The following KIF26B variants were observed in gnomAD, a reference collection of about 807,000 sequenced individuals.
KIF26B encodes kinesin family member 26B.
In KIF26B, 63 loss-of-function variants were observed where a neutral mutation model predicts 151.2. The ratio of observed to expected loss-of-function variants is 0.42; its 90% CI spans 0.34 to 0.51. The LOEUF (loss-of-function observed/expected upper bound fraction) is 0.51, where lower values mean the gene tolerates loss of function less well. Among genes scored for constraint, KIF26B ranks in the 20% least tolerant of loss-of-function variants. The pLI is 0.07. For missense variants in KIF26B, 2,813 were observed against 2,913.6 expected (o/e 0.97, Z 0.79); for synonymous variants, 1,357 against 1,262.1 (o/e 1.08, Z -1.59).
intron 2 of KIF26B, chr1:245,206,524 C>T (rs1478407925): frequency 6.6e-6 from 1 of 152,194 alleles, no homozygotes; most frequent in Non-Finnish European, 1.5e-5. Context: ...TGTGGAGTAG[C>T]CTAAGACACA....
chr1:245,290,168 A>G (rs1478924958), intron 2 of KIF26B, among the ~76,000 whole-genome samples: 1 of 127,130 alleles, frequency 7.9e-6, no homozygotes, highest in African/African-American at 3.3e-5. Context: ...GCTTAATCAA[A>G]CCTTTATTGA....
At chr1:245,265,437 A>G (rs78651438) in intron 2 of KIF26B, among the ~76,000 whole-genome samples, 1 of 152,214 alleles carries the variant, frequency 6.6e-6, no homozygotes, top group African/African-American at 2.4e-5. Flanking sequence ...TAAAAATCAT[A>G]TTTTCAAGAG....
In KIF26B at chr1:245,564,653, T is replaced by C. The variant is rs899349274; in HGVS notation, c.1350+23703T>C. 6.6e-6 allele frequency among the ~76,000 whole-genome samples: 1 copy of C among 152,126 alleles called. No individual in the cohort carries two copies. Among genetic ancestry groups the C allele is most frequent in the Non-Finnish European group, 1.5e-5 (1 of 68,040 alleles). ...TCCCAGCACAGCAAATGGCACAGAC[T>C]CGAGGGAATGTTTTCCTTCCGGAAC... is the stretch of plus-strand genomic sequence containing the variant. On this transcript the variant is annotated intron_variant, in intron 5 of 14. Transcript: ENST00000407071. The surrounding 1 kb of genome is among the most constrained non-coding windows in gnomAD (Gnocchi z 4.6).
chr1:245,687,836 C>G lies in KIF26B; in HGVS notation c.4853C>G (p.Ala1618Gly). 1 of 1,594,772 alleles carries G rather than the reference C, an allele frequency of 6.3e-7. No individual in the cohort carries two copies. ...QKNRASPQHS[A>G]SGSGTSSPLN... is the part of the protein sequence containing the mutation. Reference sequence around the variant, plus strand: ...AACCGGGCCAGCCCTCAGCACAGTGCCAGCGGCAGCGGCACCAGCAGCCCC... The same window carrying G: ...AACCGGGCCAGCCCTCAGCACAGTGGCAGCGGCAGCGGCACCAGCAGCCCC... Residue 1618 changes from alanine to glycine, a missense_variant, in exon 12 of 15, where the codon GCC becomes GGC. By Grantham distance (60) the Ala-to-Gly change is moderately conservative (BLOSUM62 0). Transcript: ENST00000407071. The surrounding 1 kb of genome is among the most constrained non-coding windows in gnomAD (Gnocchi z 4.9).
chr1:245,531,904 C>T (rs990826476), intron 4 of KIF26B, among the ~76,000 whole-genome samples: 5 of 152,122 alleles, frequency 3.3e-5, no homozygotes, highest in African/African-American at 1.2e-4. Flanking sequence ...CAAGACCATC[C>T]TGGGCAACAA....
At chr1:245,263,729 A>T (rs1229984430) in intron 2 of KIF26B, among the ~76,000 whole-genome samples, 1 of 152,212 alleles carries the variant, frequency 6.6e-6, no homozygotes, top group Admixed American at 6.5e-5. Flanking sequence ...ACTGTGGAGG[A>T]TTCTTCTCCT....
chr1:245,268,456 G>A (rs998101421), intron 2 of KIF26B, among the ~76,000 whole-genome samples: 2 of 148,184 alleles, frequency 1.3e-5, no homozygotes, highest in African/African-American at 2.5e-5. Flanking sequence ...GTGATGGAGC[G>A]AGACTCCATC....
chr1:245,629,478 CA>C (rs1384253876), intron 9 of KIF26B, among the ~76,000 whole-genome samples: 1 of 152,060 alleles, frequency 6.6e-6, no homozygotes, highest in Non-Finnish European at 1.5e-5. Flanking sequence ...ACAAACCTGA[CA>C]AAAACAAGCA....
At position 245,366,086 on chromosome 1, in the gene KIF26B, A is replaced by T. The variant is rs185400660; in HGVS notation, c.466-748A>T. Among the ~76,000 whole-genome samples the T allele has an allele frequency of 1.8e-4, 28 of 152,330 alleles. No homozygotes were observed. In the East Asian group the frequency reaches 5.0e-3, roughly 27 times the overall value. On this transcript the variant is annotated intron_variant, in intron 2 of 14. Coordinates refer to ENST00000407071, the MANE Select transcript of KIF26B (RefSeq NM_018012.4). ...GCAAGTTGCACCTCCATCTGCAACT[A>T]ACTTTCTGTGGTAACAGGGGGCCAA... is the stretch of plus-strand genomic sequence containing the variant.
rs548422038 is a variant in KIF26B, at chr1:245,527,524, C to CTTTT, written c.1167-13219_1167-13216dup. On this transcript the variant is annotated intron_variant, in intron 4 of 14. Coordinates refer to ENST00000407071, the MANE Select transcript of KIF26B (RefSeq NM_018012.4). ...TCATTTATATCTGGCTTTGGGATGG[C>CTTTT]TTTTTTTTTTTTTTTTTTTTTTTTT... is the stretch of plus-strand genomic sequence containing the variant. Among the ~76,000 whole-genome samples the CTTTT allele has an allele frequency of 2.3e-3, 115 of 50,710 alleles. 26 individuals are homozygous for CTTTT. Among genetic ancestry groups the CTTTT allele is most frequent in the African/African-American group, 8.6e-3 (88 of 10,204 alleles). The allele number at this position is 50,710 out of a possible 152,430, so 33.3% of individuals were successfully genotyped here.
At chr1:245,571,792 G>C (rs2043068314) in intron 5 of KIF26B, among the ~76,000 whole-genome samples, 1 of 152,164 alleles carries the variant, frequency 6.6e-6, no homozygotes, top group Non-Finnish European at 1.5e-5. Flanking sequence ...TGAGCCTCTA[G>C]TTCACGCCCT....
At position 245,191,696 on chromosome 1, in the gene KIF26B, C is replaced by T. The variant is rs371287748; in HGVS notation, c.465+35013C>T. ...CTGCAGAGAATGTAAAAAATTACAA[C>T]GAAGCATGAATATCTTTAATATAGA... On this transcript the variant is annotated intron_variant, in intron 2 of 14. Transcript: ENST00000407071. 1.5e-4 allele frequency among the ~76,000 whole-genome samples: 23 copies of T among 152,174 alleles called. No individual in the cohort carries two copies. The East Asian group carries it at 2.9e-3, about 19-fold the overall frequency.
rs150143351 is a variant in KIF26B, at chr1:245,283,722, C to T, written c.466-83112C>T. Among the ~76,000 whole-genome samples, 41 of 148,470 alleles carry T rather than the reference C, an allele frequency of 2.8e-4. No homozygotes were observed. The East Asian group carries it at 7.5e-3, about 27-fold the overall frequency. ...TTTTTTTTTGAGGCGGACTCTCACT[C>T]TGTCGCCCAGGCTAGAGTGCACTGG... is the stretch of plus-strand genomic sequence containing the variant. On this transcript the variant is annotated intron_variant, in intron 2 of 14. Coordinates refer to ENST00000407071, the MANE Select transcript of KIF26B (RefSeq NM_018012.4).
intron 2 of KIF26B, among the ~76,000 whole-genome samples, chr1:245,266,705 C>T (rs536963598): frequency 5.3e-5 from 8 of 152,080 alleles, no homozygotes; most frequent in Admixed American, 1.3e-4. Flanking sequence ...CGGGGTTTCA[C>T]CATCTTGGTC....
intron 5 of KIF26B, among the ~76,000 whole-genome samples, chr1:245,543,482 AGGAGCGGGGCATCGGTCTGGG>A (rs1661669528): frequency 2.0e-5 from 1 of 49,724 alleles, no homozygotes; most frequent in African/African-American, 6.2e-5. Context: ...GACTGTGTCG[AGGAGCGGGGCATCGGTCTGGG>A]GTCACAGAAC....
At position 245,419,680 on chromosome 1, in the gene KIF26B, G is replaced by A. The variant is rs756550434; in HGVS notation, c.1101G>A (p.Ser367=). Residue 367 remains serine (S), a synonymous_variant, in exon 4 of 15, where the codon TCG becomes TCA. Transcript: ENST00000407071. ...CTTCCGCCTGCAGTGTCCCAGCCTC[G>A]CAGGGCTCCTGCGTGGCCAGCGAGA... is the stretch of plus-strand genomic sequence containing the variant. ...DKPSACSVPA[S]QGSCVASETS... The A allele has an allele frequency of 6.8e-6, 11 of 1,613,752 alleles. No individual in the cohort carries two copies. Among genetic ancestry groups the A allele is most frequent in the Non-Finnish European group, 9.3e-6 (11 of 1,179,768 alleles).
At chr1:245,217,662 G>T (rs114776123) in intron 2 of KIF26B, among the ~76,000 whole-genome samples, 1 of 152,044 alleles carries the variant, frequency 6.6e-6, no homozygotes, top group African/African-American at 2.4e-5. Context: ...GAGCCACTGC[G>T]CCCGGTCGAT....
chr1:245,372,039 A>G (rs12239059), intron 3 of KIF26B, among the ~76,000 whole-genome samples: 5,418 of 151,370 alleles, frequency 0.036, 352 homozygotes, highest in African/African-American at 0.12. Context: ...GGGTCCCCAG[A>G]CCCCAGGCCA....
chr1:245,170,435 A>C lies in KIF26B; in HGVS notation c.465+13752A>C, dbSNP rs1409747694. 6.6e-6 allele frequency among the ~76,000 whole-genome samples: 1 copy of C among 152,212 alleles called. No homozygotes were observed. The highest frequency in any genetic ancestry group is 1.5e-5 in the Non-Finnish European group (1 of 68,040). On this transcript the variant is annotated intron_variant, in intron 2 of 14. Coordinates refer to ENST00000407071, the MANE Select transcript of KIF26B (RefSeq NM_018012.4). This position sits in a 1 kb window ranked among gnomAD's most constrained non-coding sequence, Gnocchi z 4.4. ...TCACTGGATGCTTACAATTGGTTCC[A>C]GGTGTTCCAGGGACGAAACTTATCA...
Sources: gnomAD v4.1 joint callset for allele counts (sites outside exome capture counted in the v4.1 genomes callset) on GRCh38, gnomAD v4.1.1 for gene constraint, Gnocchi (gnomAD v3.1) non-coding constraint, MANE v1.5 for transcripts, NCBI Gene and HGNC (gene_info 2026-07-23, HGNC 2026-07-21) for gene names.